PTPN11: variants seen among roughly 807,000 people sequenced by gnomAD.
PTPN11 encodes tyrosine-protein phosphatase non-receptor type 11.
In PTPN11, 6 loss-of-function variants were observed where a neutral mutation model predicts 78.8. The observed-to-expected ratio is 0.08, with a 90% confidence interval of 0.04 to 0.15. The LOEUF is 0.15. Among genes scored for constraint, PTPN11 ranks in the 10% least tolerant of loss-of-function variants. PTPN11 has a pLI of 1.00. For missense variants in PTPN11, 386 were observed against 744.8 expected (o/e 0.52, Z 5.61); for synonymous variants, 221 against 263.5 (o/e 0.84, Z 1.56).
chr12:112,457,891 A>G (rs925195733), intron 6 of PTPN11, among the ~76,000 whole-genome samples: 14 of 152,236 alleles, frequency 9.2e-5, no homozygotes, highest in African/African-American at 1.4e-4. Flanking sequence ...TGTCCCCAGC[A>G]TGTAGCACGG....
At chr12:112,428,744 CTTAT>C (rs931333401) in intron 1 of PTPN11, 19 of 155,240 alleles carry the variant, frequency 1.2e-4, no homozygotes, top group Middle Eastern at 2.9e-3. Context: ...CTATATATTA[CTTAT>C]TTATTTATTT....
Position 112,504,513 on chromosome 12 carries a change from TA to T in PTPN11, c.1713-180del, listed in dbSNP as rs2038911872. Among the ~76,000 whole-genome samples the T allele has an allele frequency of 6.6e-6, 1 of 152,236 alleles. No individual in the cohort carries two copies. Among genetic ancestry groups the T allele is most frequent in the African/African-American group, 2.4e-5 (1 of 41,474 alleles). ...CAGCGTTATTTCACTTCTGCCTCTG[TA>T]ATTATATTGCTGTATGGCTATCTCT... is the stretch of plus-strand genomic sequence containing the variant. On this transcript the variant is annotated intron_variant, in intron 14 of 15. Transcript: ENST00000351677. The surrounding 1 kb of genome is among the most constrained non-coding windows in gnomAD (Gnocchi z 4.7).
intron 10 of PTPN11, among the ~76,000 whole-genome samples, chr12:112,486,052 A>T (rs1377604675): frequency 6.6e-6 from 1 of 152,152 alleles, no homozygotes; most frequent in East Asian, 1.9e-4. Context: ...TATCAAAAAA[A>T]TAACAAAGAG....
At chr12:112,449,901 A>G (rs2038054330) in intron 2 of PTPN11, among the ~76,000 whole-genome samples, 1 of 152,116 alleles carries the variant, frequency 6.6e-6, no homozygotes, top group Non-Finnish European at 1.5e-5. Flanking sequence ...CCTCATCTCT[A>G]CTAAAAATAC....
chr12:112,487,930 C>T (rs555729746), intron 11 of PTPN11, among the ~76,000 whole-genome samples: 6 of 152,026 alleles, frequency 3.9e-5, no homozygotes, highest in South Asian at 4.2e-4. Context: ...ATTACTGGTA[C>T]GTGACAACAT....
Position 112,482,011 on chromosome 12 carries a change from C to G in PTPN11, c.1093-63C>G. 1 of 1,490,712 alleles carries G rather than the reference C, an allele frequency of 6.7e-7. No individual in the cohort carries two copies. The highest frequency in any genetic ancestry group is 9.3e-7 in the Non-Finnish European group (1 of 1,072,456). The allele number at this position is 1,490,712 out of a possible 1,614,324, so 92.3% of individuals were successfully genotyped here. On this transcript the variant is annotated intron_variant, in intron 9 of 15. Coordinates refer to ENST00000351677, the MANE Select transcript of PTPN11 (RefSeq NM_002834.5). This position sits in a 1 kb window ranked among gnomAD's most constrained non-coding sequence, Gnocchi z 4.4. Reference sequence around the variant, plus strand: ...GCAAGACTTGAACATTTGTTTGTTGCTTGTTTAGGCTTTTATTTCAGAGTT... The same window carrying G: ...GCAAGACTTGAACATTTGTTTGTTGGTTGTTTAGGCTTTTATTTCAGAGTT...
At position 112,493,383 on chromosome 12, in the gene PTPN11, A is replaced by AT. The variant is rs60572157; in HGVS notation, c.1599+4227dup. On this transcript the variant is annotated intron_variant, in intron 13 of 15. Transcript: ENST00000351677. ...CACTCTTAGTAAATTTTAAGTGTACATTTTTTTTTTTTTTTTTTTGAGATG... is the reference window on the plus strand; with the variant it reads ...CACTCTTAGTAAATTTTAAGTGTACATTTTTTTTTTTTTTTTTTTTGAGATG... Among the ~76,000 whole-genome samples the AT allele has an allele frequency of 7.2e-3, 942 of 130,624 alleles. 7 individuals are homozygous for AT. The highest frequency in any genetic ancestry group is 0.012 in the Middle Eastern group (3 of 250). 85.7% of individuals were successfully genotyped at this position (130,624 alleles called of 152,430 possible).
chr12:112,460,555 A>G (rs1319071375), intron 6 of PTPN11, among the ~76,000 whole-genome samples: 2 of 152,122 alleles, frequency 1.3e-5, no homozygotes, highest in African/African-American at 2.4e-5. Flanking sequence ...TGTTGTAAAA[A>G]TCTTAAGTCT....
intron 1 of PTPN11, among the ~76,000 whole-genome samples, chr12:112,440,330 G>C (rs1372610181): frequency 6.6e-6 from 1 of 152,084 alleles, no homozygotes; most frequent in Non-Finnish European, 1.5e-5. Context: ...CTGGAGTGCA[G>C]TGGCATGATC....
chr12:112,427,704 C>T (rs1325166449), intron 1 of PTPN11, among the ~76,000 whole-genome samples: 1 of 151,640 alleles, frequency 6.6e-6, no homozygotes, highest in African/African-American at 2.4e-5. Flanking sequence ...CTTCCCTCTC[C>T]TTGTAACTCT....
chr12:112,506,941 C>A lies in PTPN11; in HGVS notation c.*1149C>A. ...TTGTCACAGTGTCCCTTCTACTTCC[C>A]TCTATTGATGATGATGATGATGATG... On this transcript the variant is annotated 3_prime_UTR_variant, in exon 16 of 16. Transcript: ENST00000351677. The A allele has an allele frequency of 4.4e-6, 1 of 226,022 alleles. No homozygotes were observed. Among genetic ancestry groups the A allele is most frequent in the East Asian group, 1.6e-4 (1 of 6,212 alleles). The allele number at this position is 226,022 out of a possible 1,614,324, so 14.0% of individuals were successfully genotyped here. A position where few individuals can be genotyped will look rare whatever the true frequency, so the allele number is the denominator to read the frequency against.
chr12:112,433,670 G>T (rs2037746541), intron 1 of PTPN11, among the ~76,000 whole-genome samples: 1 of 152,222 alleles, frequency 6.6e-6, no homozygotes, highest in African/African-American at 2.4e-5. Flanking sequence ...AAGGGTACTG[G>T]CTGGGCGCAG....
intron 12 of PTPN11, 55 bp downstream of exon 12, chr12:112,488,565 A>G: frequency 6.6e-7 from 1 of 1,519,752 alleles, no homozygotes; most frequent in Non-Finnish European, 9.1e-7. Flanking sequence ...TTATGGAAGG[A>G]AAGTGCTCAC....
chr12:112,424,994 G>GTGTGTGTGTGTGTGTA (rs1260932901), intron 1 of PTPN11, among the ~76,000 whole-genome samples: 1 of 144,450 alleles, frequency 6.9e-6, no homozygotes, highest in African/African-American at 2.7e-5. Flanking sequence ...GTGTGTGTGT[G>GTGTGTGTGTGTGTGTA]TGTGTGTGTG....
chr12:112,502,164 C>T lies in PTPN11; in HGVS notation c.1620C>T (p.His540=), dbSNP rs587781132. ...EEEQKSKRKG[H]EYTNIKYSLA... ...TTCAGAAAAGCAAGAGGAAAGGGCA[C>T]GAATATACAAATATTAAGTATTCTC... The change falls in exon 14 of 16, where the codon CAC becomes CAT. Residue 540 remains histidine (H), a synonymous_variant. Coordinates refer to ENST00000351677, the MANE Select transcript of PTPN11 (RefSeq NM_002834.5). The T allele has an allele frequency of 2.3e-5, 37 of 1,613,346 alleles. No individual in the cohort carries two copies. Among genetic ancestry groups the T allele is most frequent in the East Asian group, 1.8e-4 (8 of 44,894 alleles).
At chr12:112,484,329 C>T (rs968086843) in intron 10 of PTPN11, among the ~76,000 whole-genome samples, 3 of 152,182 alleles carry the variant, frequency 2.0e-5, no homozygotes, top group African/African-American at 7.2e-5. Flanking sequence ...TGGTTTTTCT[C>T]CAAGGACACT....
chr12:112,450,189 A>G (rs1248967476), intron 2 of PTPN11, 129 bp from the exon 3 acceptor site: 8 of 787,872 alleles, frequency 1.0e-5, no homozygotes, highest in Non-Finnish European at 1.5e-5. Context: ...TCTTATAGGG[A>G]ATAGGTAAAT....
At chr12:112,497,433 C>T (rs181066782) in intron 13 of PTPN11, among the ~76,000 whole-genome samples, 9 of 152,232 alleles carry the variant, frequency 5.9e-5, no homozygotes, top group Non-Finnish European at 1.0e-4. Context: ...AGAAGATAGC[C>T]ATCGCTGTTG....
intron 1 of PTPN11, among the ~76,000 whole-genome samples, chr12:112,427,932 A>G (rs2037647382): frequency 6.6e-6 from 1 of 151,922 alleles, no homozygotes; most frequent in Non-Finnish European, 1.5e-5. Context: ...TTCATTTTTT[A>G]TACAGACGGG....
Sources: gnomAD v4.1 joint callset for allele counts (sites outside exome capture counted in the v4.1 genomes callset) on GRCh38, gnomAD v4.1.1 for gene constraint, Gnocchi (gnomAD v3.1) non-coding constraint, MANE v1.5 for transcripts, NCBI Gene and HGNC (gene_info 2026-07-23, HGNC 2026-07-21) for gene names.